The following GFOD1 variants were observed in gnomAD, a reference collection of about 807,000 sequenced individuals.
GFOD1 encodes the protein glucose-fructose oxidoreductase domain-containing protein 1.
In GFOD1, 9 loss-of-function variants were observed where a neutral mutation model predicts 25.4. That is an observed-to-expected ratio of 0.35 (90% confidence interval 0.21 to 0.62). GFOD1 has a LOEUF of 0.62. GFOD1 is among the 20% of genes least tolerant of loss of function. The probability of loss-of-function intolerance (pLI) is 0.72; values close to 1 mark genes in which losing one functional copy is unlikely to be tolerated. For missense variants in GFOD1, 403 were observed against 556.9 expected (o/e 0.72, Z 2.78); for synonymous variants, 253 against 245.6 (o/e 1.03, Z -0.28).
chr6:13,390,725 A>G (rs1306147212), intron 1 of GFOD1, among the ~76,000 whole-genome samples: 1 of 145,116 alleles, frequency 6.9e-6, no homozygotes, highest in Non-Finnish European at 1.5e-5. Context: ...CCCTGTGAAA[A>G]AAAAAAAAAG....
chr6:13,470,699 T>C (rs1758483515), intron 1 of GFOD1: 2 of 1,439,372 alleles, frequency 1.4e-6, no homozygotes, highest in Middle Eastern at 1.8e-4. Context: ...TTTTGATTAT[T>C]CATATTCATG....
chr6:13,403,292 A>G (rs570956921), intron 1 of GFOD1, among the ~76,000 whole-genome samples: 1 of 151,984 alleles, frequency 6.6e-6, no homozygotes, highest in East Asian at 1.9e-4. Context: ...TGCCCGGCTA[A>G]TTTTTGTATT....
chr6:13,427,586 C>T (rs1486788333), intron 1 of GFOD1, among the ~76,000 whole-genome samples: 3 of 152,064 alleles, frequency 2.0e-5, no homozygotes, highest in Admixed American at 6.5e-5. Context: ...AGGAGTTCAA[C>T]GCTACAGTGA....
At chr6:13,475,846 C>A (rs1284224069) in intron 1 of GFOD1, among the ~76,000 whole-genome samples, 1 of 151,940 alleles carries the variant, frequency 6.6e-6, no homozygotes, top group African/African-American at 2.4e-5. Flanking sequence ...ATCACTTGAA[C>A]CCAGAAGATG....
intron 1 of GFOD1, among the ~76,000 whole-genome samples, chr6:13,388,320 A>G (rs1044669756): frequency 6.6e-6 from 1 of 152,242 alleles, no homozygotes; most frequent in Admixed American, 6.5e-5. Context: ...ATCCTAAGCA[A>G]AAAGAACAAA....
intron 1 of GFOD1, among the ~76,000 whole-genome samples, chr6:13,417,718 G>A (rs78733355): frequency 0.038 from 5,818 of 152,320 alleles, 168 homozygotes; most frequent in Non-Finnish European, 0.065. Context: ...TTGAGCCCAG[G>A]AATGGCTTCT....
intron 1 of GFOD1, among the ~76,000 whole-genome samples, chr6:13,467,677 C>A (rs1758400869): frequency 1.3e-5 from 2 of 152,202 alleles, no homozygotes; most frequent in Admixed American, 1.3e-4. Context: ...CACTTCCCAC[C>A]CTGGGGCAAA....
At chr6:13,467,535 G>C (rs1024176404) in intron 1 of GFOD1, among the ~76,000 whole-genome samples, 1 of 152,146 alleles carries the variant, frequency 6.6e-6, no homozygotes, top group Non-Finnish European at 1.5e-5. Context: ...ACCAACACAG[G>C]TTTGACTGAA....
chr6:13,484,694 G>T (rs565078311), intron 1 of GFOD1, among the ~76,000 whole-genome samples: 1 of 152,282 alleles, frequency 6.6e-6, no homozygotes, highest in Non-Finnish European at 1.5e-5. Flanking sequence ...TGTCTAATTT[G>T]TGTCACATCT....
intron 1 of GFOD1, among the ~76,000 whole-genome samples, chr6:13,408,348 G>C (rs771522299): frequency 3.9e-5 from 6 of 152,154 alleles, no homozygotes; most frequent in Non-Finnish European, 8.8e-5. Flanking sequence ...GCTTCCCCTT[G>C]TTCCTCCTTA....
At chr6:13,395,020 G>A (rs1224427439) in intron 1 of GFOD1, among the ~76,000 whole-genome samples, 1 of 152,072 alleles carries the variant, frequency 6.6e-6, no homozygotes, top group Non-Finnish European at 1.5e-5. Flanking sequence ...TGGCCTCAAG[G>A]AATCCCCCGA....
intron 1 of GFOD1, among the ~76,000 whole-genome samples, chr6:13,478,298 C>G (rs549841088): frequency 5.9e-5 from 9 of 152,058 alleles, no homozygotes; most frequent in Non-Finnish European, 1.3e-4. Context: ...CAACACCACT[C>G]CCAGCTAATT....
chr6:13,424,134 A>C (rs980005637), intron 1 of GFOD1, among the ~76,000 whole-genome samples: 2 of 152,232 alleles, frequency 1.3e-5, no homozygotes, highest in Non-Finnish European at 2.9e-5. Context: ...CTGGGATTAC[A>C]GGCGTGAGCC....
At chr6:13,370,761 C>T (rs983653845) in intron 1 of GFOD1, among the ~76,000 whole-genome samples, 1 of 152,028 alleles carries the variant, frequency 6.6e-6, no homozygotes, top group African/African-American at 2.4e-5. Flanking sequence ...TAGTGTGGCA[C>T]AGAGCATTCC....
Position 13,427,767 on chromosome 6 carries a change from T to G in GFOD1, c.253+58871A>C, listed in dbSNP as rs147018943. ...TCCCATGCGATAATAAAGGAAGGTTTATCCCACTATTTCCTAAGCCTGGAG... is the reference window on the plus strand; with the variant it reads ...TCCCATGCGATAATAAAGGAAGGTTGATCCCACTATTTCCTAAGCCTGGAG... On this transcript the variant is annotated intron_variant, in intron 1 of 1. Coordinates refer to ENST00000379287, the MANE Select transcript of GFOD1 (RefSeq NM_018988.4). Among the ~76,000 whole-genome samples the G allele has an allele frequency of 4.3e-3, 659 of 152,364 alleles. 5 individuals are homozygous for G. The highest frequency in any genetic ancestry group is 0.013 in the African/African-American group (557 of 41,584).
At chr6:13,400,678 T>C (rs1452250957) in intron 1 of GFOD1, among the ~76,000 whole-genome samples, 1 of 152,232 alleles carries the variant, frequency 6.6e-6, no homozygotes, top group Non-Finnish European at 1.5e-5. Context: ...ACTTTTAAGC[T>C]CTGCTTGGAC....
At chr6:13,407,349 C>T (rs1178747003) in intron 1 of GFOD1, among the ~76,000 whole-genome samples, 1 of 152,310 alleles carries the variant, frequency 6.6e-6, no homozygotes, top group Non-Finnish European at 1.5e-5. Flanking sequence ...ATTGAAAAGT[C>T]AGCCTCAGCT....
chr6:13,446,292 T>A (rs1758000807), intron 1 of GFOD1, among the ~76,000 whole-genome samples: 1 of 152,094 alleles, frequency 6.6e-6, no homozygotes, highest in East Asian at 1.9e-4. Context: ...CACTTGCAAT[T>A]CCCAAAACTG....
intron 1 of GFOD1, among the ~76,000 whole-genome samples, chr6:13,411,647 G>T (rs918837390): frequency 6.6e-6 from 1 of 152,156 alleles, no homozygotes; most frequent in Non-Finnish European, 1.5e-5. Flanking sequence ...CTCAGACGCA[G>T]TAACACTGTG....
Sources: allele counts gnomAD v4.1 joint callset (sites outside exome capture counted in the v4.1 genomes callset), GRCh38; gene constraint gnomAD v4.1.1; transcripts MANE v1.5; gene names NCBI Gene and HGNC (gene_info 2026-07-23, HGNC 2026-07-21).